The following PUDP variants were observed in gnomAD, a reference collection of about 807,000 sequenced individuals.
The protein encoded by PUDP is pseudouridine-5'-phosphatase.
PUDP carries 8 observed loss-of-function variants against 9.4 expected under a neutral mutation model. The ratio of observed to expected loss-of-function variants is 0.85; its 90% CI spans 0.50 to 1.53. The LOEUF (loss-of-function observed/expected upper bound fraction) is 1.53. PUDP is among the 40% of genes most tolerant of loss of function. The pLI is 0.00. For missense variants in PUDP, 188 were observed against 189.7 expected (o/e 0.99, Z 0.05); for synonymous variants, 99 against 80.7 (o/e 1.23, Z -1.22).
intron 1 of PUDP, among the ~76,000 whole-genome samples, chrX:7,111,504 TGGGGCGGGGGGA>T (rs1932048688): frequency 7.6e-4 from 1 of 1,324 alleles, no homozygotes; most frequent in Non-Finnish European, 1.3e-3. Context: ...GGGGGTGGGG[TGGGGCGGGGGGA>T]GATGCTTTAG....
intron 3 of PUDP, among the ~76,000 whole-genome samples, chrX:6,774,057 T>C (rs1431388143): frequency 9.0e-6 from 1 of 111,496 alleles, no homozygotes; most frequent in African/African-American, 3.3e-5. Flanking sequence ...GAGAATCACT[T>C]GAACCCAGGA....
intron 3 of PUDP, among the ~76,000 whole-genome samples, chrX:6,961,081 C>G (rs1292479921): frequency 8.9e-6 from 1 of 111,876 alleles, no homozygotes; most frequent in Admixed American, 9.5e-5. Context: ...TGCCACCTGG[C>G]AAACTCCTAT....
intron 1 of PUDP, among the ~76,000 whole-genome samples, chrX:6,978,763 C>G (rs1361465975): frequency 8.9e-6 from 1 of 112,397 alleles, no homozygotes; most frequent in South Asian, 3.7e-4. Flanking sequence ...TTGCCAAAAG[C>G]AAATGGGAAG....
At chrX:7,047,544 C>A (rs1388434192), downstream of PUDP, among the ~76,000 whole-genome samples, 1 of 112,235 alleles carries the variant, frequency 8.9e-6, no homozygotes, top group African/African-American at 3.2e-5. Context: ...AACGTGTACT[C>A]CTCAGCCAAC....
intron 3 of PUDP, among the ~76,000 whole-genome samples, chrX:6,757,606 C>T (rs1925183855): frequency 9.0e-6 from 1 of 111,262 alleles, no homozygotes; most frequent in African/African-American, 3.3e-5. Context: ...ATGCAATGGG[C>T]TATATATTTT....
At chrX:7,137,640 T>A (rs188701646) in intron 1 of PUDP, among the ~76,000 whole-genome samples, 21 of 112,441 alleles carry the variant, frequency 1.9e-4, no homozygotes, top group African/African-American at 6.8e-4. Context: ...TGAGCAAACA[T>A]CAAAGAGACT....
chrX:6,937,889 T>C (rs1399663749), intron 3 of PUDP, among the ~76,000 whole-genome samples: 1 of 83,019 alleles, frequency 1.2e-5, no homozygotes, highest in African/African-American at 4.6e-5. Flanking sequence ...AAAATGCTCA[T>C]CATCACTGGC....
intron 3 of PUDP, among the ~76,000 whole-genome samples, chrX:6,854,861 A>C (rs1383668616): frequency 9.1e-6 from 1 of 109,486 alleles, no homozygotes; most frequent in Non-Finnish European, 1.9e-5. Context: ...TGATAAGTGG[A>C]TCCTCAAACT....
chrX:7,028,686 G>C (rs1929751401), intron 1 of PUDP, among the ~76,000 whole-genome samples: 1 of 111,808 alleles, frequency 8.9e-6, no homozygotes, highest in Admixed American at 9.5e-5. Context: ...AGATGAAATG[G>C]GTAAAAAGGG....
intron 3 of PUDP, among the ~76,000 whole-genome samples, chrX:6,932,687 G>A (rs1018846758): frequency 2.7e-4 from 30 of 112,281 alleles, no homozygotes; most frequent in Middle Eastern, 4.6e-3. Context: ...CTTGGGAAGC[G>A]CAAGGGGTCA....
At chrX:6,807,545 A>G (rs904452413) in intron 3 of PUDP, among the ~76,000 whole-genome samples, 2 of 112,316 alleles carry the variant, frequency 1.8e-5, no homozygotes, top group African/African-American at 6.5e-5. Context: ...TCGCAATGGA[A>G]GCAGAAGTTT....
chrX:6,779,208 C>T (rs778451428), intron 3 of PUDP, among the ~76,000 whole-genome samples: 15 of 111,712 alleles, frequency 1.3e-4, no homozygotes, highest in Non-Finnish European at 2.4e-4. Context: ...TTCCCATGCT[C>T]CAGAATGGCC....
chrX:6,788,531 C>A (rs1199055752), intron 3 of PUDP, among the ~76,000 whole-genome samples: 1 of 110,690 alleles, frequency 9.0e-6, no homozygotes, highest in Non-Finnish European at 1.9e-5. Context: ...GGCAAGATCC[C>A]ATCTCTACAA....
At chrX:7,084,426 C>T (rs1456375497) in intron 2 of PUDP, among the ~76,000 whole-genome samples, 1 of 112,119 alleles carries the variant, frequency 8.9e-6, no homozygotes, top group African/African-American at 3.2e-5. Context: ...CTTTTCCTTG[C>T]AGTACATGTG....
chrX:7,086,371 T>C (rs1251683078), intron 2 of PUDP, among the ~76,000 whole-genome samples: 1 of 112,656 alleles, frequency 8.9e-6, no homozygotes, highest in East Asian at 2.8e-4. Flanking sequence ...TTAAAAGAAA[T>C]ATTAACTAAT....
rs146642505 is a variant in PUDP, at chrX:6,889,076, T to G, written c.*247+88057A>C. Among the ~76,000 whole-genome samples the G allele has an allele frequency of 1.5e-4, 17 of 112,228 alleles. 1 individual carries two copies. Among genetic ancestry groups the G allele is most frequent in the Admixed American group, 4.7e-4 (5 of 10,572 alleles). On this transcript the variant is annotated intron_variant and NMD_transcript_variant, in intron 3 of 3. Coordinates refer to the PUDP transcript ENST00000655425. ...AATTAAACATGACGTACTGAGCTAATTACCCAGGACACACACTGTGAATCA... is the reference window on the plus strand; with the variant it reads ...AATTAAACATGACGTACTGAGCTAAGTACCCAGGACACACACTGTGAATCA...
intron 3 of PUDP, among the ~76,000 whole-genome samples, chrX:6,829,883 G>A (rs1278462977): frequency 1.8e-5 from 2 of 110,625 alleles, no homozygotes; most frequent in African/African-American, 6.6e-5. Flanking sequence ...TCAGGATCTC[G>A]GCTGCTGGCT....
chrX:6,903,957 T>C (rs1159848637), intron 3 of PUDP, among the ~76,000 whole-genome samples: 1 of 84,846 alleles, frequency 1.2e-5, no homozygotes, highest in South Asian at 5.5e-4. Flanking sequence ...TATATATTTA[T>C]TTTTTTTTTT....
At chrX:7,031,088 T>C (rs191416135) in intron 1 of PUDP, among the ~76,000 whole-genome samples, 315 of 111,282 alleles carry the variant, frequency 2.8e-3, no homozygotes, top group Non-Finnish European at 4.3e-3. Flanking sequence ...AAGGTAGTAG[T>C]GAGGATGACT....
Sources: allele counts gnomAD v4.1 joint callset (sites outside exome capture counted in the v4.1 genomes callset), GRCh38; gene constraint gnomAD v4.1.1; transcripts MANE v1.5; gene names NCBI Gene and HGNC (gene_info 2026-07-23, HGNC 2026-07-21).